RBFOX1: variants seen among roughly 807,000 people sequenced by gnomAD.
The protein encoded by RBFOX1 is RNA binding fox-1 homolog 1.
Under a neutral mutation model 57.7 loss-of-function variants are expected in RBFOX1, and 8 were observed. The observed-to-expected ratio is 0.14, with a 90% CI of 0.08 to 0.25. The LOEUF (loss-of-function observed/expected upper bound fraction) is 0.25, where lower values mean the gene tolerates loss of function less well. Ranked by LOEUF, RBFOX1 falls within the 10% of genes least tolerant of loss-of-function variation. The pLI is 1.00. For missense variants in RBFOX1, 611 were observed against 548.5 expected, an observed-to-expected ratio of 1.11 and a Z score of -1.14; for synonymous variants, 326 against 222.4, an observed-to-expected ratio of 1.47 and a Z score of -4.15.
intron 10 of RBFOX1, among the ~76,000 whole-genome samples, chr16:7,615,823 C>T (rs1043679303): frequency 4.6e-5 from 7 of 152,108 alleles, no homozygotes; most frequent in Non-Finnish European, 8.8e-5. Context: ...ATTCCTTGAC[C>T]ACAAATCGTT....
chr16:5,702,477 C>G (rs1398761610), intron 3 of RBFOX1, among the ~76,000 whole-genome samples: 1 of 152,184 alleles, frequency 6.6e-6, no homozygotes, highest in Non-Finnish European at 1.5e-5. Flanking sequence ...CCTTGGTAAT[C>G]AATTAGCTAG....
intron 4 of RBFOX1, among the ~76,000 whole-genome samples, chr16:7,171,836 C>T (rs1433966147): frequency 1.3e-5 from 2 of 152,132 alleles, no homozygotes; most frequent in African/African-American, 4.8e-5. Flanking sequence ...TAAAATTTTG[C>T]TTATCGCATA....
intron 3 of RBFOX1, among the ~76,000 whole-genome samples, chr16:6,892,756 C>A (rs1173157892): frequency 6.7e-6 from 1 of 149,566 alleles, no homozygotes; most frequent in African/African-American, 2.5e-5. Flanking sequence ...AATGCATATT[C>A]TCAAAGCCTC....
chr16:6,868,463 T>C (rs942128740), intron 3 of RBFOX1, among the ~76,000 whole-genome samples: 3 of 149,458 alleles, frequency 2.0e-5, no homozygotes, highest in African/African-American at 7.4e-5. Flanking sequence ...AGCCAGTGTT[T>C]CATATTTATT....
At chr16:7,403,571 C>CT (rs1287803240) in intron 4 of RBFOX1, among the ~76,000 whole-genome samples, 1 of 146,976 alleles carries the variant, frequency 6.8e-6, no homozygotes, top group African/African-American at 2.5e-5. Context: ...ATCCCCCCCC[C>CT]CCCACTTTTT....
chr16:6,766,914 G>C (rs183236355), intron 3 of RBFOX1, among the ~76,000 whole-genome samples: 1 of 152,226 alleles, frequency 6.6e-6, no homozygotes, highest in East Asian at 1.9e-4. Context: ...ACTTGACCTG[G>C]CATGAAGCTC....
At chr16:6,061,739 T>G (rs1357859243) in intron 1 of RBFOX1, among the ~76,000 whole-genome samples, 1 of 152,272 alleles carries the variant, frequency 6.6e-6, no homozygotes, top group African/African-American at 2.4e-5. Context: ...CACTTTACAC[T>G]CACACTCATA....
intron 1 of RBFOX1, among the ~76,000 whole-genome samples, chr16:6,223,923 T>A (rs1388868748): frequency 2.6e-5 from 4 of 152,220 alleles, no homozygotes; most frequent in Non-Finnish European, 4.4e-5. Context: ...TCCATATGGC[T>A]AGCCAGTTTT....
At chr16:6,437,271 C>T (rs571075154) in intron 2 of RBFOX1, among the ~76,000 whole-genome samples, 2 of 152,270 alleles carry the variant, frequency 1.3e-5, no homozygotes, top group Non-Finnish European at 2.9e-5. Context: ...CCTGCATTTA[C>T]TTTATTTAAT....
At chr16:7,183,375 C>T (rs975214333) in intron 4 of RBFOX1, among the ~76,000 whole-genome samples, 2 of 152,124 alleles carry the variant, frequency 1.3e-5, no homozygotes, top group Non-Finnish European at 2.9e-5. Flanking sequence ...TTTTTTCTAC[C>T]TGAAAATCTT....
intron 3 of RBFOX1, among the ~76,000 whole-genome samples, chr16:5,762,883 C>T (rs572864499): frequency 4.6e-5 from 7 of 152,090 alleles, no homozygotes; most frequent in South Asian, 2.1e-4. Flanking sequence ...AATATGTATC[C>T]GTAAATAAAA....
At chr16:6,524,537 G>C (rs937845859) in intron 2 of RBFOX1, among the ~76,000 whole-genome samples, 5 of 152,174 alleles carry the variant, frequency 3.3e-5, no homozygotes, top group African/African-American at 1.2e-4. Flanking sequence ...ATGAGGGTAA[G>C]GGTACCACAA....
chr16:6,043,626 G>C (rs937272025), intron 1 of RBFOX1, among the ~76,000 whole-genome samples: 1 of 152,210 alleles, frequency 6.6e-6, no homozygotes, highest in South Asian at 2.1e-4. Context: ...TCATGTTTCA[G>C]GTTTCCCTTG....
chr16:6,365,837 A>G (rs954618208), intron 2 of RBFOX1, among the ~76,000 whole-genome samples: 5 of 152,204 alleles, frequency 3.3e-5, no homozygotes, highest in Admixed American at 3.3e-4. Context: ...TGAGAGAATT[A>G]AAAGATATCT....
At chr16:5,926,153 A>G (rs2058936382) in intron 4 of RBFOX1, among the ~76,000 whole-genome samples, 1 of 152,188 alleles carries the variant, frequency 6.6e-6, no homozygotes, top group Non-Finnish European at 1.5e-5. Context: ...AGGGAAGGTA[A>G]AAGCTTGAGA....
chr16:6,959,515 C>G (rs1247021236), intron 3 of RBFOX1, among the ~76,000 whole-genome samples: 1 of 151,976 alleles, frequency 6.6e-6, no homozygotes, highest in Non-Finnish European at 1.5e-5. Flanking sequence ...ATTTTTTACC[C>G]TCTCTCATTC....
intron 4 of RBFOX1, among the ~76,000 whole-genome samples, chr16:7,446,181 T>C (rs778042408): frequency 6.6e-6 from 1 of 152,234 alleles, no homozygotes; most frequent in Non-Finnish European, 1.5e-5. Flanking sequence ...ATAGGGCTTT[T>C]AATAACCAGC....
chr16:5,763,135 A>G (rs1045947110), intron 3 of RBFOX1, among the ~76,000 whole-genome samples: 1 of 152,226 alleles, frequency 6.6e-6, no homozygotes, highest in African/African-American at 2.4e-5. Context: ...TGCGCCCAAC[A>G]CAAGAATGTG....
intron 1 of RBFOX1, among the ~76,000 whole-genome samples, chr16:6,021,455 T>C: frequency 6.6e-6 from 1 of 152,144 alleles, no homozygotes; most frequent in East Asian, 1.9e-4. Flanking sequence ...TAAGATCTTT[T>C]ATGTTCAGAA....
Sources: gnomAD v4.1 joint callset for allele counts (sites outside exome capture counted in the v4.1 genomes callset) on GRCh38, gnomAD v4.1.1 for gene constraint, MANE v1.5 for transcripts, NCBI Gene and HGNC (gene_info 2026-07-23, HGNC 2026-07-21) for gene names.